Variants in C9orf85 observed in about 807,000 individuals in gnomAD.
C9orf85 encodes chromosome 9 open reading frame 85.
A neutral mutation model predicts 14.9 loss-of-function variants in C9orf85; 16 were observed. The observed-to-expected ratio is 1.08, with a 90% CI of 0.73 to 1.63. C9orf85 has a LOEUF of 1.63. Ranked by LOEUF, C9orf85 falls within the 40% of genes most tolerant of loss-of-function variation. The pLI is 0.00. For missense variants in C9orf85, 172 were observed against 186.1 expected, an observed-to-expected ratio of 0.92 and a Z score of 0.44; for synonymous variants, 45 against 56.8, an observed-to-expected ratio of 0.79 and a Z score of 0.93.
chr9:71,933,690 A>G (rs998221982), intron 1 of C9orf85, among the ~76,000 whole-genome samples: 1 of 152,202 alleles, frequency 6.6e-6, no homozygotes, highest in Non-Finnish European at 1.5e-5. Flanking sequence ...AGATAACATC[A>G]TAACATATGT....
At position 71,972,965 on chromosome 9, in the gene C9orf85, G is replaced by A. The variant is rs376784080; in HGVS notation, c.*123G>A. ...TCGAGACCAGCCTGGCCAACATGGCGGAACCCCATCTCCACTAAAAGTACA... is the reference window on the plus strand; with the variant it reads ...TCGAGACCAGCCTGGCCAACATGGCAGAACCCCATCTCCACTAAAAGTACA... On this transcript the variant is annotated 3_prime_UTR_variant, in exon 4 of 4. Transcript: ENST00000334731. 64 of 626,786 alleles carry A rather than the reference G, an allele frequency of 1.0e-4. 1 individual carries two copies. The highest frequency in any genetic ancestry group is 4.1e-4 in the East Asian group (11 of 26,722). 38.8% of individuals were successfully genotyped at this position (626,786 alleles called of 1,614,324 possible).
At chr9:71,930,796 C>G (rs1828052839) in intron 1 of C9orf85, among the ~76,000 whole-genome samples, 1 of 142,226 alleles carries the variant, frequency 7.0e-6, no homozygotes, top group Non-Finnish European at 1.5e-5. Flanking sequence ...AGAGCAAGAC[C>G]CTGTCTCAAA....
intron 1 of C9orf85, among the ~76,000 whole-genome samples, chr9:71,937,866 GT>G (rs1434741694): frequency 6.6e-6 from 1 of 152,022 alleles, no homozygotes. Flanking sequence ...TTGGACTTAA[GT>G]TTTTGTGAAG....
intron 2 of C9orf85, among the ~76,000 whole-genome samples, chr9:71,948,615 A>G (rs1404441021): frequency 6.6e-6 from 1 of 152,142 alleles, no homozygotes; most frequent in African/African-American, 2.4e-5. Flanking sequence ...TCCGCCTCCC[A>G]GGTTCAAGCA....
At chr9:71,966,606 G>A (rs1261569461) in intron 2 of C9orf85, among the ~76,000 whole-genome samples, 1 of 152,148 alleles carries the variant, frequency 6.6e-6, no homozygotes, top group Non-Finnish European at 1.5e-5. Context: ...GCATACGTGT[G>A]CACAGGAGTC....
At chr9:71,932,303 T>C (rs10869070) in intron 1 of C9orf85, among the ~76,000 whole-genome samples, 146,047 of 152,200 alleles carry the variant, frequency 0.96, 70,378 homozygotes, top group East Asian at 1. Flanking sequence ...TCTATCTGAA[T>C]TCTTTCTTGG....
At chr9:71,953,019 C>T (rs1305927929) in intron 2 of C9orf85, among the ~76,000 whole-genome samples, 2 of 152,164 alleles carry the variant, frequency 1.3e-5, no homozygotes, top group East Asian at 1.9e-4. Context: ...GAATTCTTTA[C>T]ATCTGTGGTT....
chr9:71,960,934 C>T (rs987655108), intron 2 of C9orf85, among the ~76,000 whole-genome samples: 40 of 138,176 alleles, frequency 2.9e-4, no homozygotes, highest in African/African-American at 9.6e-4. Flanking sequence ...TTTTTTGAGA[C>T]GGAGTTTTGC....
chr9:71,943,461 T>G (rs1821994720), intron 1 of C9orf85, among the ~76,000 whole-genome samples: 1 of 152,208 alleles, frequency 6.6e-6, no homozygotes, highest in Non-Finnish European at 1.5e-5. Flanking sequence ...ATCAGCATGT[T>G]GATACAGATA....
At chr9:71,944,975 C>T (rs1822046598) in intron 1 of C9orf85, among the ~76,000 whole-genome samples, 1 of 152,140 alleles carries the variant, frequency 6.6e-6, no homozygotes, top group Non-Finnish European at 1.5e-5. Flanking sequence ...AGTTTCCAAA[C>T]TCTGCACAGC....
downstream of C9orf85, among the ~76,000 whole-genome samples, chr9:71,974,076 G>A (rs560129215): frequency 8.0e-4 from 121 of 150,574 alleles, no homozygotes; most frequent in South Asian, 4.0e-3. Context: ...ACAGGTGCCC[G>A]CCACCACGCC....
intron 2 of C9orf85, among the ~76,000 whole-genome samples, chr9:71,947,977 T>C (rs1005805608): frequency 2.0e-5 from 3 of 152,232 alleles, no homozygotes; most frequent in Non-Finnish European, 4.4e-5. Flanking sequence ...GGTTCTCTTA[T>C]ATCAGCCTTC....
Position 71,955,054 on chromosome 9 carries a change from C to A in C9orf85, c.209+7942C>A, listed in dbSNP as rs534923045. On this transcript the variant is annotated intron_variant, in intron 2 of 3. Transcript: ENST00000334731. ...TTTTTAAAGGGAAGAATTTCTATAC[C>A]CCTAAAATGTTGCTTAATAGAGTAT... Among the ~76,000 whole-genome samples, 11 of 152,104 alleles carry A rather than the reference C, an allele frequency of 7.2e-5. No individual in the cohort carries two copies. In the East Asian group the frequency reaches 1.9e-3, roughly 27 times the overall value.
intron 2 of C9orf85, among the ~76,000 whole-genome samples, chr9:71,968,567 T>A (rs1822764502): frequency 6.6e-6 from 1 of 152,230 alleles, no homozygotes; most frequent in South Asian, 2.1e-4. Context: ...GTTGTTGGGC[T>A]TATATGCATA....
chr9:71,978,976 A>G (rs1823051198), intron 3 of C9orf85, among the ~76,000 whole-genome samples: 1 of 152,246 alleles, frequency 6.6e-6, no homozygotes, highest in African/African-American at 2.4e-5. Context: ...TGGAAGTTGC[A>G]GTGATCTGAG....
intron 1 of C9orf85, among the ~76,000 whole-genome samples, chr9:71,916,291 T>A (rs891048639): frequency 5.9e-5 from 9 of 152,088 alleles, no homozygotes; most frequent in African/African-American, 2.2e-4. Context: ...TAATAATATA[T>A]ATATAGTCAG....
chr9:71,925,393 G>A (rs940260355), intron 1 of C9orf85, among the ~76,000 whole-genome samples: 1 of 152,118 alleles, frequency 6.6e-6, no homozygotes, highest in Non-Finnish European at 1.5e-5. Flanking sequence ...GTTGGTACAC[G>A]CCTATAATCC....
At chr9:71,976,673 A>G (rs1244925548), downstream of C9orf85, among the ~76,000 whole-genome samples, 1 of 151,968 alleles carries the variant, frequency 6.6e-6, no homozygotes, top group Admixed American at 6.6e-5. Context: ...AAAAAAAAAA[A>G]AAAATTCTTA....
At chr9:71,968,860 G>A (rs1822775239) in intron 2 of C9orf85, among the ~76,000 whole-genome samples, 1 of 152,114 alleles carries the variant, frequency 6.6e-6, no homozygotes, top group South Asian at 2.1e-4. Flanking sequence ...CACAATCTAA[G>A]CTAATTCCAA....
Sources: allele counts gnomAD v4.1 joint callset (sites outside exome capture counted in the v4.1 genomes callset), GRCh38; gene constraint gnomAD v4.1.1; transcripts MANE v1.5; gene names NCBI Gene and HGNC (gene_info 2026-07-23, HGNC 2026-07-21).